The following PCDHGA1 variants were observed in gnomAD, a reference collection of about 807,000 sequenced individuals.
The protein encoded by PCDHGA1 is protocadherin gamma subfamily A, 1, also known as protocadherin gamma-A1.
Under a neutral mutation model 58.0 loss-of-function variants are expected in PCDHGA1, and 32 were observed. The observed-to-expected ratio is 0.55, with a 90% CI of 0.42 to 0.74. The LOEUF is 0.74. PCDHGA1 is among the 30% of genes least tolerant of loss of function. The probability of loss-of-function intolerance (pLI) is 0.00; values close to 1 mark genes in which losing one functional copy is unlikely to be tolerated. For synonymous variants in PCDHGA1, 498 were observed against 501.1 expected, an observed-to-expected ratio of 0.99 and a Z score of 0.08; for missense variants, 1,205 against 1,182.3, an observed-to-expected ratio of 1.02 and a Z score of -0.28.
intron 1 of PCDHGA1, chr5:141,399,003 A>T: frequency 6.2e-7 from 1 of 1,613,966 alleles, no homozygotes; most frequent in Non-Finnish European, 8.5e-7. Context: ...GTCTGAATTC[A>T]AAGAGCGGAG....
chr5:141,350,941 C>G (rs374757232), intron 1 of PCDHGA1: 7 of 1,613,958 alleles, frequency 4.3e-6, no homozygotes, highest in Non-Finnish European at 5.9e-6. Flanking sequence ...ATATCTGGAT[C>G]CGAGTTACGG....
chr5:141,423,630 T>C, intron 1 of PCDHGA1: 1 of 1,603,994 alleles, frequency 6.2e-7, no homozygotes, highest in Non-Finnish European at 8.5e-7. Flanking sequence ...CAGCTATCAT[T>C]TTAGGCAAAT....
intron 1 of PCDHGA1, chr5:141,416,685 A>T (rs1292141199): frequency 1.3e-5 from 2 of 152,384 alleles, no homozygotes; most frequent in East Asian, 3.9e-4. Flanking sequence ...AAGGGAAATT[A>T]TATAAACAAA....
At chr5:141,403,559 G>C (rs1281537625) in intron 1 of PCDHGA1, 1 of 1,613,974 alleles carries the variant, frequency 6.2e-7, no homozygotes. Flanking sequence ...CCTGGACAGG[G>C]AGGAGGCAAC....
intron 1 of PCDHGA1, among the ~76,000 whole-genome samples, chr5:141,488,139 T>A (rs906194527): frequency 6.6e-6 from 1 of 152,084 alleles, no homozygotes; most frequent in Non-Finnish European, 1.5e-5. Context: ...AGGAGAGAAC[T>A]AAAGGAATAG....
At position 141,476,499 on chromosome 5, in the gene PCDHGA1, T is replaced by A. The variant is rs763373223; in HGVS notation, c.2422-18308T>A. On this transcript the variant is annotated intron_variant, in intron 1 of 3. Coordinates refer to ENST00000517417, the MANE Select transcript of PCDHGA1 (RefSeq NM_018912.3). This position sits in a 1 kb window ranked among gnomAD's most constrained non-coding sequence, Gnocchi z 7.6. Reference sequence around the variant, plus strand: ...AGCGTGGAAGTGGTGATCCAGGACATCAACGACAACAATCCTGCTTTCCCT... The same window carrying A: ...AGCGTGGAAGTGGTGATCCAGGACAACAACGACAACAATCCTGCTTTCCCT... 3.1e-6 allele frequency: 5 copies of A among 1,613,992 alleles called. No individual in the cohort carries two copies. The South Asian group carries it at 5.5e-5, about 18-fold the overall frequency.
rs2094308599 is a variant in PCDHGA1 at position 141,402,798 on chromosome 5, C to T, written c.2421+69693C>T. ...TTTCCAGTTCTGCGGCTACACAAAA[C>T]CCGGCAGATACCACAAACCTGCTCC... On this transcript the variant is annotated intron_variant, in intron 1 of 3. Transcript: ENST00000517417. 7.6e-6 allele frequency: 8 copies of T among 1,054,376 alleles called. No individual in the cohort carries two copies. The South Asian group carries it at 1.6e-4, about 20-fold the overall frequency. The allele number at this position is 1,054,376 out of a possible 1,614,324, so 65.3% of individuals were successfully genotyped here. A position where few individuals can be genotyped will look rare whatever the true frequency, so the allele number is the denominator to read the frequency against.
chr5:141,346,660 A>G, intron 1 of PCDHGA1: 1 of 742,914 alleles, frequency 1.3e-6, no homozygotes, highest in Non-Finnish European at 2.2e-6. Context: ...TAGGGAAAAA[A>G]TAATACATCG....
At chr5:141,427,945 A>G (rs747625541) in intron 1 of PCDHGA1, 22 of 1,586,364 alleles carry the variant, frequency 1.4e-5, no homozygotes, top group Middle Eastern at 1.7e-4. Flanking sequence ...GGCGACCTCA[A>G]TGACAATGTG....
chr5:141,400,727 G>A (rs2094067426), intron 1 of PCDHGA1: 2 of 649,836 alleles, frequency 3.1e-6, no homozygotes, highest in African/African-American at 1.8e-5. Flanking sequence ...GATTTACAAA[G>A]TAGTGAGAGT....
intron 1 of PCDHGA1, chr5:141,418,292 T>A: frequency 6.2e-7 from 1 of 1,613,988 alleles, no homozygotes. Context: ...AATCAGTGAA[T>A]CCGTCAGCCT....
intron 1 of PCDHGA1, chr5:141,399,438 T>C (rs2093809569): frequency 1.2e-6 from 2 of 1,613,996 alleles, no homozygotes; most frequent in Admixed American, 1.7e-5. Flanking sequence ...TCATCCTACA[T>C]ATCAGAGACG....
chr5:141,357,324 C>T (rs1234132409), intron 1 of PCDHGA1: 1 of 1,613,980 alleles, frequency 6.2e-7, no homozygotes, highest in African/African-American at 1.3e-5. Context: ...TGGCTTTTGT[C>T]ACGGTGCTGC....
intron 1 of PCDHGA1, chr5:141,361,004 A>C (rs907175903): frequency 1.2e-6 from 2 of 1,613,282 alleles, no homozygotes; most frequent in African/African-American, 1.3e-5. Flanking sequence ...CAAGTGAAAC[A>C]CTTTTTCAAC....
chr5:141,384,709 C>G, intron 1 of PCDHGA1: 2 of 1,614,124 alleles, frequency 1.2e-6, no homozygotes, highest in South Asian at 1.1e-5. Context: ...GAACGCCTGG[C>G]TGTCATACCT....
intron 1 of PCDHGA1, chr5:141,419,278 A>G: frequency 6.2e-7 from 1 of 1,614,038 alleles, no homozygotes; most frequent in Non-Finnish European, 8.5e-7. Context: ...CCATAGCGCA[A>G]GTCAGTGCCT....
At position 141,485,010 on chromosome 5, in the gene PCDHGA1, C is replaced by T; in HGVS notation, c.2422-9797C>T. 1 of 629,958 alleles carries T rather than the reference C, an allele frequency of 1.6e-6. No homozygotes were observed. The highest frequency in any genetic ancestry group is 2.9e-6 in the Non-Finnish European group (1 of 350,608). 39.0% of individuals were successfully genotyped at this position (629,958 alleles called of 1,614,324 possible). On this transcript the variant is annotated intron_variant, in intron 1 of 3. Coordinates refer to ENST00000517417, the MANE Select transcript of PCDHGA1 (RefSeq NM_018912.3). This position sits in a 1 kb window ranked among gnomAD's most constrained non-coding sequence, Gnocchi z 5.7. ...GTGGTGAAAGGCAGACAAATCTACC[C>T]CGCCACCAGCAAAAACGGCGCGTAA...
At chr5:141,421,849 G>C in intron 1 of PCDHGA1, 4 of 1,613,766 alleles carry the variant, frequency 2.5e-6, no homozygotes, top group Non-Finnish European at 3.4e-6. Flanking sequence ...GAAAGAGGCT[G>C]CTCACCTGCT....
intron 1 of PCDHGA1, chr5:141,414,606 A>C: frequency 6.2e-7 from 1 of 1,613,944 alleles, no homozygotes; most frequent in Non-Finnish European, 8.5e-7. Flanking sequence ...CCATCTTCTC[A>C]GTGACAGCGC....
Sources: allele counts gnomAD v4.1 joint callset (sites outside exome capture counted in the v4.1 genomes callset), GRCh38; gene constraint gnomAD v4.1.1; non-coding constraint Gnocchi (gnomAD v3.1); transcripts MANE v1.5; gene names NCBI Gene and HGNC (gene_info 2026-07-23, HGNC 2026-07-21).